Variants in KLRC2 observed in about 807,000 individuals in gnomAD.
The protein encoded by KLRC2 is killer cell lectin like receptor C2, also known as NKG2-C type II integral membrane protein.
A neutral mutation model predicts 25.5 loss-of-function variants in KLRC2; 10 were observed. That is an observed-to-expected ratio of 0.39 (90% CI 0.24 to 0.67). The LOEUF is 0.67. Among genes scored for constraint, KLRC2 ranks in the 30% least tolerant of loss-of-function variants. The pLI is 0.45. For missense variants in KLRC2, 170 were observed against 272.8 expected, an observed-to-expected ratio of 0.62 and a Z score of 2.65; for synonymous variants, 48 against 93.3, an observed-to-expected ratio of 0.51 and a Z score of 2.80.
In KLRC2 at chr12:10,433,650, T is replaced by A. The variant is rs1037578218; in HGVS notation, c.483+141A>T. The A allele has an allele frequency of 2.7e-5, 27 of 995,880 alleles. 6 individuals are homozygous for A. In the African/African-American group the frequency reaches 4.5e-4, roughly 17 times the overall value. The allele number at this position is 995,880 out of a possible 1,614,324, so 61.7% of individuals were successfully genotyped here. On this transcript the variant is annotated intron_variant, in intron 4 of 5. Coordinates refer to ENST00000381902, the MANE Select transcript of KLRC2 (RefSeq NM_002260.4). ...TAGCAGTATATAACTTTAAAAACAT[T>A]ATTAAGTCAATCAATTGAATATTAC... is the stretch of plus-strand genomic sequence containing the variant.
chr12:10,432,124 C>T lies in KLRC2; in HGVS notation c.566G>A (p.Gly189Asp), dbSNP rs1863823248. Residue 189 changes from glycine to aspartate, a missense_variant, in exon 5 of 6, where the codon GGT becomes GAT. This residue lies in a region of KLRC2 where 129 missense variants were observed against 150.2 expected (regional missense o/e 0.86). Coordinates refer to ENST00000381902, the MANE Select transcript of KLRC2 (RefSeq NM_002260.4). ...AACTTACTTATGTTTGAAAGCCAAA[C>T]CATTTATTGTCACCCATGGATGATG... ...SSHHPWVTIN[G>D]LAFKHKIKDS... 1 of 1,530,988 alleles carries T rather than the reference C, an allele frequency of 6.5e-7. No homozygotes were observed. The highest frequency in any genetic ancestry group is 8.9e-7 in the Non-Finnish European group (1 of 1,124,472). The allele number at this position is 1,530,988 out of a possible 1,614,324, so 94.8% of individuals were successfully genotyped here. A position where few individuals can be genotyped will look rare whatever the true frequency, so the allele number is the denominator to read the frequency against.
rs750137982 is a variant in KLRC2 at position 10,432,086 on chromosome 12, C to A, written c.584+20G>T. 3 of 1,449,376 alleles carry A rather than the reference C, an allele frequency of 2.1e-6. 1 individual carries two copies. Among genetic ancestry groups the A allele is most frequent in the Non-Finnish European group, 2.8e-6 (3 of 1,054,094 alleles). The allele number at this position is 1,449,376 out of a possible 1,614,324, so 89.8% of individuals were successfully genotyped here. ...TCCTTTATATATATTTTTTATATAG[C>A]GCCATACAAAAGAACTTACTTATGT... On this transcript the variant is annotated intron_variant, in intron 5 of 5. Transcript: ENST00000381902.
chr12:10,435,740 C>G, intron 1 of KLRC2, 60 bp downstream of exon 1: 2 of 1,482,112 alleles, frequency 1.3e-6, no homozygotes, highest in Non-Finnish European at 1.8e-6. Flanking sequence ...TTTCCTCACC[C>G]TTCTGCATTC....
chr12:10,435,614 G>T (rs1312860124), intron 1 of KLRC2, among the ~76,000 whole-genome samples, 186 bp downstream of exon 1: 1 of 141,594 alleles, frequency 7.1e-6, no homozygotes, highest in Non-Finnish European at 1.5e-5. Context: ...TCCATGAGTG[G>T]ACCGCAGATT....
At chr12:10,433,052 A>G (rs1369913645) in intron 4 of KLRC2, among the ~76,000 whole-genome samples, 1 of 141,250 alleles carries the variant, frequency 7.1e-6, no homozygotes, top group Non-Finnish European at 1.5e-5. Flanking sequence ...TCTCATACCA[A>G]GAGACACCAG....
In KLRC2 at chr12:10,432,089, C is replaced by T. The variant is rs868002599; in HGVS notation, c.584+17G>A. 7.5e-6 allele frequency: 11 copies of T among 1,466,940 alleles called. 4 individuals are homozygous for T. In the Middle Eastern group the frequency reaches 7.1e-4, roughly 95 times the overall value. 90.9% of individuals were successfully genotyped at this position (1,466,940 alleles called of 1,614,324 possible). On this transcript the variant is annotated intron_variant, in intron 5 of 5. Coordinates refer to ENST00000381902, the MANE Select transcript of KLRC2 (RefSeq NM_002260.4). ...TTTATATATATTTTTTATATAGCGC[C>T]ATACAAAAGAACTTACTTATGTTTG...
Position 10,430,766 on chromosome 12 carries a change from A to C in KLRC2, c.*351T>G. 5.1e-6 allele frequency: 1 copy of C among 194,864 alleles called. No homozygotes were observed. Among genetic ancestry groups the C allele is most frequent in the Non-Finnish European group, 9.9e-6 (1 of 101,168 alleles). 12.1% of individuals were successfully genotyped at this position (194,864 alleles called of 1,614,324 possible). A position where few individuals can be genotyped will look rare whatever the true frequency, so the allele number is the denominator to read the frequency against. On this transcript the variant is annotated 3_prime_UTR_variant, in exon 6 of 6. Transcript: ENST00000381902. The stretch of plus-strand genomic sequence containing the variant: ...CACGACACAAAGAAACGTTCTATCA[A>C]TTAGTGGTCATCTCCTATTTCAACC...
intron 5 of KLRC2, among the ~76,000 whole-genome samples, chr12:10,431,708 G>A (rs1166280261): frequency 1.4e-5 from 2 of 141,520 alleles, no homozygotes; most frequent in East Asian, 2.1e-4. Flanking sequence ...CCCATGGGCC[G>A]CACGTGACCC....
intron 4 of KLRC2, 68 bp downstream of exon 4, chr12:10,433,722 TG>T (rs1863839279): frequency 7.1e-7 from 1 of 1,407,958 alleles, no homozygotes; most frequent in East Asian, 2.4e-5. Context: ...CACATATGGA[TG>T]TTTTCTACAA....
Position 10,433,977 on chromosome 12 carries a change from T to G in KLRC2, c.332-35A>C. 7 of 1,523,304 alleles carry G rather than the reference T, an allele frequency of 4.6e-6. 1 individual carries two copies. Among genetic ancestry groups the G allele is most frequent in the Non-Finnish European group, 5.3e-6 (6 of 1,123,706 alleles). The allele number at this position is 1,523,304 out of a possible 1,614,324, so 94.4% of individuals were successfully genotyped here. On this transcript the variant is annotated intron_variant, in intron 3 of 5. Coordinates refer to ENST00000381902, the MANE Select transcript of KLRC2 (RefSeq NM_002260.4). Reference sequence around the variant, plus strand: ...ATATGAATTACTATCTAGACCAATATGAATTTTTAAAAATGAAAATTAGTT... The same window carrying G: ...ATATGAATTACTATCTAGACCAATAGGAATTTTTAAAAATGAAAATTAGTT...
chr12:10,430,906 C>G lies in KLRC2; in HGVS notation c.*211G>C. The G allele has an allele frequency of 9.3e-7, 1 of 1,071,566 alleles. No individual in the cohort carries two copies. Among genetic ancestry groups the G allele is most frequent in the South Asian group, 1.9e-5 (1 of 52,100 alleles). The allele number at this position is 1,071,566 out of a possible 1,614,324, so 66.4% of individuals were successfully genotyped here. A position where few individuals can be genotyped will look rare whatever the true frequency, so the allele number is the denominator to read the frequency against. On this transcript the variant is annotated 3_prime_UTR_variant, in exon 6 of 6. Coordinates refer to ENST00000381902, the MANE Select transcript of KLRC2 (RefSeq NM_002260.4). ...TGCAACTTTTAGAAAGGCTGAAAAC[C>G]ACAAATACCATGTTGAGCAAAATGA...
At position 10,433,392 on chromosome 12, in the gene KLRC2, AG is replaced by A. The variant is rs2137873794; in HGVS notation, c.483+398del. On this transcript the variant is annotated intron_variant, in intron 4 of 5. Coordinates refer to ENST00000381902, the MANE Select transcript of KLRC2 (RefSeq NM_002260.4). Reference sequence around the variant, plus strand: ...ATTAAAAGTCAAGACTGCGTTTTGGAGAGGAGTCAGGATAAGTGATGAGGGC... The same window carrying A: ...ATTAAAAGTCAAGACTGCGTTTTGGAAGGAGTCAGGATAAGTGATGAGGGC... Among the ~76,000 whole-genome samples the A allele has an allele frequency of 1.4e-5, 2 of 141,870 alleles. 1 individual carries two copies. The highest frequency in any genetic ancestry group is 5.4e-5 in the African/African-American group (2 of 37,068). The allele number at this position is 141,870 out of a possible 152,430, so 93.1% of individuals were successfully genotyped here.
chr12:10,433,249 T>C (rs1401424283), intron 4 of KLRC2, among the ~76,000 whole-genome samples: 2 of 141,918 alleles, frequency 1.4e-5, no homozygotes, highest in Non-Finnish European at 3.1e-5. Context: ...TACTGATAAC[T>C]GCAATAATAT....
Position 10,433,651 on chromosome 12 carries a change from A to C in KLRC2, c.483+140T>G, listed in dbSNP as rs1863838087. On this transcript the variant is annotated intron_variant, in intron 4 of 5. Transcript: ENST00000381902. ...AGCAGTATATAACTTTAAAAACATT[A>C]TTAAGTCAATCAATTGAATATTACA... is the stretch of plus-strand genomic sequence containing the variant. 2.0e-6 allele frequency: 2 copies of C among 992,454 alleles called. 1 individual carries two copies. The highest frequency in any genetic ancestry group is 2.9e-6 in the Non-Finnish European group (2 of 698,326). The allele number at this position is 992,454 out of a possible 1,614,324, so 61.5% of individuals were successfully genotyped here.
intron 3 of KLRC2, 33 bp from the exon 4 acceptor site, chr12:10,433,975 T>C: frequency 6.6e-7 from 1 of 1,522,672 alleles, no homozygotes; most frequent in South Asian, 1.2e-5. Context: ...TCTAGACCAA[T>C]ATGAATTTTT....
In KLRC2 at chr12:10,432,938, C is replaced by T. The variant is rs1353928833; in HGVS notation, c.484-732G>A. Among the ~76,000 whole-genome samples, 3 of 138,656 alleles carry T rather than the reference C, an allele frequency of 2.2e-5. 1 individual carries two copies. The highest frequency in any genetic ancestry group is 4.7e-5 in the Non-Finnish European group (3 of 63,632). The allele number at this position is 138,656 out of a possible 152,430, so 91.0% of individuals were successfully genotyped here. The stretch of plus-strand genomic sequence containing the variant: ...CAACCTGGCAATAGGAGGAGGGTAT[C>T]GAAGGAGAGTCCCCTCCACAATACC... On this transcript the variant is annotated intron_variant, in intron 4 of 5. Transcript: ENST00000381902.
At chr12:10,434,261 T>C in intron 3 of KLRC2, 1 of 583,802 alleles carries the variant, frequency 1.7e-6, no homozygotes, top group Non-Finnish European at 3.2e-6. Context: ...CTCACAGCAG[T>C]AGGAAACCTC....
In KLRC2 at chr12:10,435,685, C is replaced by G; in HGVS notation, c.187+115G>C. On this transcript the variant is annotated intron_variant, in intron 1 of 5. Transcript: ENST00000381902. ...GATTTCATATTAGAATTTTAGATCC[C>G]AATTATGAACTCCGATTCTCACAAG... 6.6e-6 allele frequency: 8 copies of G among 1,215,178 alleles called. 2 individuals carry two copies. Among genetic ancestry groups the G allele is most frequent in the Non-Finnish European group, 9.1e-6 (8 of 881,194 alleles). 75.3% of individuals were successfully genotyped at this position (1,215,178 alleles called of 1,614,324 possible). A position where few individuals can be genotyped will look rare whatever the true frequency, so the allele number is the denominator to read the frequency against.
chr12:10,430,608 T>C lies in KLRC2; in HGVS notation c.*509A>G, dbSNP rs1201436194. 7.0e-6 allele frequency: 1 copy of C among 142,074 alleles called. No homozygotes were observed. Among genetic ancestry groups the C allele is most frequent in the African/African-American group, 2.7e-5 (1 of 37,008 alleles). 8.8% of individuals were successfully genotyped at this position (142,074 alleles called of 1,614,324 possible). ...CAATCCCATCAGAGGCTTTTTTTTT[T>C]CTGGATAGCTTTATTGAAGTGTCAT... On this transcript the variant is annotated 3_prime_UTR_variant, in exon 6 of 6. Coordinates refer to ENST00000381902, the MANE Select transcript of KLRC2 (RefSeq NM_002260.4).
Sources: gnomAD v4.1 joint callset for allele counts (sites outside exome capture counted in the v4.1 genomes callset) on GRCh38, gnomAD v4.1.1 for gene constraint, gnomAD v4.1.1 regional missense constraint, MANE v1.5 for transcripts, NCBI Gene and HGNC (gene_info 2026-07-23, HGNC 2026-07-21) for gene names.